Variants in MEI4 observed in about 807,000 individuals in gnomAD.
MEI4 encodes meiosis-specific protein MEI4.
In MEI4, 27 loss-of-function variants were observed where a neutral mutation model predicts 31.4. The ratio of observed to expected loss-of-function variants is 0.86; its 90% CI spans 0.63 to 1.19. MEI4 has a LOEUF of 1.19. Among genes scored for constraint, MEI4 ranks in the 50% most tolerant of loss-of-function variants. The pLI is 0.00. For synonymous variants in MEI4, 122 were observed against 145.4 expected (o/e 0.84, Z 1.16); for missense variants, 329 against 398.9 (o/e 0.82, Z 1.49).
intron 3 of MEI4, among the ~76,000 whole-genome samples, chr6:77,788,488 G>A (rs1245194527): frequency 6.6e-6 from 1 of 152,170 alleles, no homozygotes; most frequent in African/African-American, 2.4e-5. Flanking sequence ...TTACTTGATT[G>A]TATATCTAGA....
At chr6:77,745,542 T>C (rs1039742036) in intron 2 of MEI4, among the ~76,000 whole-genome samples, 1 of 152,140 alleles carries the variant, frequency 6.6e-6, no homozygotes, top group Non-Finnish European at 1.5e-5. Flanking sequence ...TACCCCACTG[T>C]CAACATTAGA....
At chr6:77,879,565 T>C (rs1771428432) in intron 4 of MEI4, among the ~76,000 whole-genome samples, 1 of 152,222 alleles carries the variant, frequency 6.6e-6, no homozygotes, top group Admixed American at 6.5e-5. Context: ...ATAACTATGG[T>C]ATGGCAAACA....
At chr6:77,651,836 T>G (rs576894595), upstream of MEI4, among the ~76,000 whole-genome samples, 181 of 152,304 alleles carry the variant, frequency 1.2e-3, no homozygotes, top group Middle Eastern at 0.017. Flanking sequence ...TGAGTATGTT[T>G]TTTATTCTTT....
chr6:77,843,748 A>G (rs1399557037), intron 4 of MEI4, among the ~76,000 whole-genome samples: 1 of 152,092 alleles, frequency 6.6e-6, no homozygotes. Context: ...GCAACTCAAA[A>G]TATGAAAATA....
At chr6:77,911,337 A>G (rs957058112) in intron 4 of MEI4, among the ~76,000 whole-genome samples, 2 of 151,980 alleles carry the variant, frequency 1.3e-5, no homozygotes, top group Non-Finnish European at 2.9e-5. Context: ...CACAGGGTAC[A>G]TATGCAAGTT....
At chr6:77,888,303 T>G (rs1771672789) in intron 4 of MEI4, among the ~76,000 whole-genome samples, 1 of 151,378 alleles carries the variant, frequency 6.6e-6, no homozygotes, top group Non-Finnish European at 1.5e-5. Flanking sequence ...ACTTTGTTAA[T>G]TGTTTTCTAA....
chr6:77,759,650 C>CA (rs1343008881), intron 2 of MEI4, among the ~76,000 whole-genome samples: 1 of 152,184 alleles, frequency 6.6e-6, no homozygotes, highest in Non-Finnish European at 1.5e-5. Flanking sequence ...CATATTCAGT[C>CA]AGTAAGCTGG....
intron 3 of MEI4, among the ~76,000 whole-genome samples, chr6:77,784,609 CAATT>C (rs1483147894): frequency 2.0e-5 from 3 of 152,094 alleles, no homozygotes; most frequent in Non-Finnish European, 4.4e-5. Flanking sequence ...GCAAGAGTGT[CAATT>C]AAAGCTGGCA....
At chr6:77,730,868 A>G (rs1766967065) in intron 2 of MEI4, among the ~76,000 whole-genome samples, 1 of 147,948 alleles carries the variant, frequency 6.8e-6, no homozygotes, top group Non-Finnish European at 1.5e-5. Flanking sequence ...ATGAGTGAGA[A>G]TATGCAGTGT....
At chr6:77,658,392 T>C (rs1768438345) in intron 1 of MEI4, among the ~76,000 whole-genome samples, 1 of 152,194 alleles carries the variant, frequency 6.6e-6, no homozygotes. Flanking sequence ...TCAATTACTT[T>C]AGGCCATCTG....
At chr6:77,678,998 TAAAG>T (rs975711468) in intron 1 of MEI4, among the ~76,000 whole-genome samples, 4 of 151,850 alleles carry the variant, frequency 2.6e-5, no homozygotes, top group Non-Finnish European at 5.9e-5. Context: ...AATAAGGACA[TAAAG>T]AAAAAATGTA....
chr6:77,848,871 A>G (rs957184516), intron 4 of MEI4, among the ~76,000 whole-genome samples: 2 of 152,126 alleles, frequency 1.3e-5, no homozygotes, highest in East Asian at 1.9e-4. Context: ...ATTATTATCA[A>G]TATTGTGATA....
intron 1 of MEI4, among the ~76,000 whole-genome samples, chr6:77,660,405 T>A (rs1221212755): frequency 6.6e-6 from 1 of 152,030 alleles, no homozygotes; most frequent in East Asian, 1.9e-4. Flanking sequence ...GAGTGGCAGT[T>A]TGGGGATAGC....
chr6:77,863,954 C>T (rs1770944428), intron 4 of MEI4, among the ~76,000 whole-genome samples: 1 of 152,072 alleles, frequency 6.6e-6, no homozygotes, highest in African/African-American at 2.4e-5. Flanking sequence ...GAATTTTGAA[C>T]CCAGAATTTC....
chr6:77,759,178 T>G lies in MEI4; in HGVS notation c.233-1952T>G, dbSNP rs138844257. ...ATGTATGTAACTCTTCTTGAAACTG[T>G]TTCCTTGACTTTTATGACACAATCA... On this transcript the variant is annotated intron_variant, in intron 2 of 4. Transcript: ENST00000684080. Among the ~76,000 whole-genome samples the G allele has an allele frequency of 1.4e-3, 213 of 152,296 alleles. 1 individual carries two copies. The highest frequency in any genetic ancestry group is 4.5e-3 in the African/African-American group (187 of 41,554).
At chr6:77,898,390 C>G (rs1766126750) in intron 4 of MEI4, among the ~76,000 whole-genome samples, 1 of 152,036 alleles carries the variant, frequency 6.6e-6, no homozygotes, top group South Asian at 2.1e-4. Context: ...CTTTTAGAGA[C>G]AACTCATTTT....
chr6:77,881,293 CT>C (rs1394778168), intron 4 of MEI4, among the ~76,000 whole-genome samples: 1 of 152,158 alleles, frequency 6.6e-6, no homozygotes, highest in Non-Finnish European at 1.5e-5. Context: ...TATTCCATCA[CT>C]TTAATCTTCT....
At chr6:77,752,983 C>G (rs1767817286) in intron 2 of MEI4, among the ~76,000 whole-genome samples, 1 of 151,986 alleles carries the variant, frequency 6.6e-6, no homozygotes, top group Non-Finnish European at 1.5e-5. Flanking sequence ...ACAAACCTGA[C>G]AAAAACAAGA....
At chr6:77,921,237 AC>A (rs1192533175) in intron 4 of MEI4, among the ~76,000 whole-genome samples, 1 of 151,818 alleles carries the variant, frequency 6.6e-6, no homozygotes, top group East Asian at 1.9e-4. Context: ...TTGTTGCTTC[AC>A]CTTGTAATTT....
Sources: gnomAD v4.1 joint callset for allele counts (sites outside exome capture counted in the v4.1 genomes callset) on GRCh38, gnomAD v4.1.1 for gene constraint, MANE v1.5 for transcripts, NCBI Gene and HGNC (gene_info 2026-07-23, HGNC 2026-07-21) for gene names.